Variants in ADAMTSL1 observed in about 807,000 individuals in gnomAD.
ADAMTSL1 encodes ADAMTS-like protein 1.
A neutral mutation model predicts 201.8 loss-of-function variants in ADAMTSL1; 126 were observed. The observed-to-expected ratio is 0.62, with a 90% confidence interval of 0.54 to 0.72. The LOEUF (loss-of-function observed/expected upper bound fraction) is 0.72. ADAMTSL1 is among the 30% of genes least tolerant of loss of function. The pLI, the probability that ADAMTSL1 is intolerant of heterozygous loss-of-function variation, is 0.00. For missense variants in ADAMTSL1, 2,679 were observed against 2,277.8 expected (o/e 1.18, Z -3.59); for synonymous variants, 1,121 against 903.4 (o/e 1.24, Z -4.32).
intron 2 of ADAMTSL1, among the ~76,000 whole-genome samples, chr9:18,314,811 T>TTTC (rs1834305880): frequency 7.9e-6 from 1 of 126,112 alleles, no homozygotes; most frequent in Non-Finnish European, 1.7e-5. Flanking sequence ...TTTTTTTTTT[T>TTTC]TTTGAGACGG....
chr9:17,985,965 A>G (rs747591193), intron 1 of ADAMTSL1, among the ~76,000 whole-genome samples: 43 of 152,118 alleles, frequency 2.8e-4, no homozygotes, highest in Non-Finnish European at 5.1e-4. Context: ...AACACTAATT[A>G]AGACACATGA....
chr9:18,654,452 T>C (rs1237384170), intron 7 of ADAMTSL1, among the ~76,000 whole-genome samples: 2 of 152,216 alleles, frequency 1.3e-5, no homozygotes, highest in African/African-American at 4.8e-5. Context: ...CATTCATGCA[T>C]TCGTTTATTC....
chr9:18,543,616 T>C lies in ADAMTSL1; in HGVS notation c.237+10324T>C, dbSNP rs369294913. On this transcript the variant is annotated intron_variant, in intron 3 of 28. Transcript: ENST00000380548. ...AAACACTGAACATTCAGAGTAATGG[T>C]TGAAAATATTTGCAGCAATTACTCT... Among the ~76,000 whole-genome samples the C allele has an allele frequency of 2.1e-3, 323 of 152,360 alleles. 7 individuals are homozygous for C. Among genetic ancestry groups the C allele is most frequent in the Non-Finnish European group, 3.1e-4 (21 of 68,038 alleles).
At chr9:17,933,422 T>C (rs1320483235) in intron 1 of ADAMTSL1, among the ~76,000 whole-genome samples, 4 of 152,140 alleles carry the variant, frequency 2.6e-5, no homozygotes, top group African/African-American at 7.2e-5. Flanking sequence ...TTTCCAGAGA[T>C]AGGGCAGGGC....
intron 22 of ADAMTSL1, among the ~76,000 whole-genome samples, chr9:18,827,621 G>A (rs1824665151): frequency 6.6e-6 from 1 of 152,156 alleles, no homozygotes; most frequent in Non-Finnish European, 1.5e-5. Flanking sequence ...CTGAGTTACG[G>A]TGCTTACCAA....
intron 26 of ADAMTSL1, among the ~76,000 whole-genome samples, chr9:18,901,368 A>G (rs2131604693): frequency 6.6e-6 from 1 of 152,160 alleles, no homozygotes; most frequent in Non-Finnish European, 1.5e-5. Context: ...AGACTCTCCA[A>G]TAAAGGTAAA....
chr9:18,609,243 A>G (rs1825222706), intron 4 of ADAMTSL1, among the ~76,000 whole-genome samples: 1 of 152,210 alleles, frequency 6.6e-6, no homozygotes, highest in African/African-American at 2.4e-5. Flanking sequence ...GAGCTAAGGA[A>G]GGATGTTTTC....
At chr9:17,952,662 C>T (rs1248013296) in intron 1 of ADAMTSL1, among the ~76,000 whole-genome samples, 9 of 152,098 alleles carry the variant, frequency 5.9e-5, no homozygotes, top group Non-Finnish European at 5.9e-5. Flanking sequence ...ACCACAGGCA[C>T]ACACCACCAC....
At chr9:18,398,516 T>G (rs149530366) in intron 2 of ADAMTSL1, among the ~76,000 whole-genome samples, 14 of 152,342 alleles carry the variant, frequency 9.2e-5, no homozygotes, top group African/African-American at 3.4e-4. Context: ...AATACCCATT[T>G]GAATTTTAAA....
chr9:18,630,115 G>C (rs1445786783), intron 5 of ADAMTSL1, among the ~76,000 whole-genome samples: 2 of 152,124 alleles, frequency 1.3e-5, no homozygotes, highest in Non-Finnish European at 1.5e-5. Context: ...TCTGGGAGCA[G>C]TTAAGTTACT....
At chr9:18,874,997 G>T (rs1563878442) in intron 23 of ADAMTSL1, among the ~76,000 whole-genome samples, 1 of 152,002 alleles carries the variant, frequency 6.6e-6, no homozygotes, top group Non-Finnish European at 1.5e-5. Flanking sequence ...ATCTAGGAGG[G>T]TTGTATATTT....
At chr9:18,835,170 G>T (rs1042686758) in intron 23 of ADAMTSL1, among the ~76,000 whole-genome samples, 2 of 152,164 alleles carry the variant, frequency 1.3e-5, no homozygotes, top group African/African-American at 4.8e-5. Context: ...TTTACTGTGT[G>T]TGTAGTGGTT....
intron 2 of ADAMTSL1, among the ~76,000 whole-genome samples, chr9:18,392,259 T>A (rs925638797): frequency 1.3e-5 from 2 of 152,234 alleles, no homozygotes; most frequent in Admixed American, 6.5e-5. Flanking sequence ...TAATGTCATA[T>A]GTGTGAAAAC....
intron 1 of ADAMTSL1, among the ~76,000 whole-genome samples, chr9:17,999,753 G>C (rs4007667): frequency 1.4e-4 from 19 of 139,682 alleles, no homozygotes; most frequent in South Asian, 7.5e-4. Flanking sequence ...ATCCCTCCCC[G>C]CTCCCCCCAC....
chr9:18,891,321 T>C (rs10963822), intron 25 of ADAMTSL1, among the ~76,000 whole-genome samples: 21,829 of 152,206 alleles, frequency 0.14, 1,697 homozygotes, highest in Middle Eastern at 0.27. Flanking sequence ...GTGACCCAGG[T>C]AGCTGTTTTT....
At chr9:18,213,829 T>A (rs577980525) in intron 2 of ADAMTSL1, among the ~76,000 whole-genome samples, 5 of 152,156 alleles carry the variant, frequency 3.3e-5, no homozygotes, top group African/African-American at 1.2e-4. Context: ...AACTTCCACT[T>A]CCCTGGTTCA....
At chr9:18,719,369 C>T (rs535165948) in intron 14 of ADAMTSL1, among the ~76,000 whole-genome samples, 5 of 152,060 alleles carry the variant, frequency 3.3e-5, no homozygotes, top group East Asian at 1.9e-4. Flanking sequence ...ACTTTTGAGA[C>T]GGAGTTTTGC....
At chr9:18,450,318 A>T (rs1820355053) in intron 2 of ADAMTSL1, among the ~76,000 whole-genome samples, 1 of 152,170 alleles carries the variant, frequency 6.6e-6, no homozygotes, top group South Asian at 2.1e-4. Flanking sequence ...ATAAAATTGA[A>T]TGCCCAAAAT....
At chr9:17,941,604 G>A (rs1234508589) in intron 1 of ADAMTSL1, among the ~76,000 whole-genome samples, 1 of 151,854 alleles carries the variant, frequency 6.6e-6, no homozygotes, top group Non-Finnish European at 1.5e-5. Flanking sequence ...TGTCTGTCAG[G>A]CCTCATTTTT....
Sources: allele counts gnomAD v4.1 joint callset (sites outside exome capture counted in the v4.1 genomes callset), GRCh38; gene constraint gnomAD v4.1.1; transcripts MANE v1.5; gene names NCBI Gene and HGNC (gene_info 2026-07-23, HGNC 2026-07-21).